EYA2: variants seen among roughly 807,000 people sequenced by gnomAD.
EYA2 encodes EYA transcriptional coactivator and phosphatase 2.
EYA2 carries 31 observed loss-of-function variants against 69.2 expected under a neutral mutation model. That is an observed-to-expected ratio of 0.45 (90% CI 0.34 to 0.60). The LOEUF (loss-of-function observed/expected upper bound fraction) is 0.60, where lower values mean the gene tolerates loss of function less well. EYA2 is among the 20% of genes least tolerant of loss of function. The pLI, the probability that EYA2 is intolerant of heterozygous loss-of-function variation, is 0.02. For synonymous variants in EYA2, 257 were observed against 279.4 expected (o/e 0.92, Z 0.80); for missense variants, 622 against 701.2 (o/e 0.89, Z 1.28).
chr20:47,014,677 TGAC>T (rs1177694110), intron 4 of EYA2, among the ~76,000 whole-genome samples: 1 of 143,656 alleles, frequency 7.0e-6, no homozygotes, highest in East Asian at 2.0e-4. Flanking sequence ...TGTGGTGTGA[TGAC>T]TATAAGCTGC....
chr20:47,148,523 T>C (rs568259337), intron 10 of EYA2, among the ~76,000 whole-genome samples: 2 of 152,276 alleles, frequency 1.3e-5, no homozygotes, highest in East Asian at 3.9e-4. Context: ...ACAATCATTT[T>C]ATAAAAGTAT....
intron 12 of EYA2, among the ~76,000 whole-genome samples, chr20:47,177,330 C>T (rs972841636): frequency 9.2e-5 from 14 of 151,522 alleles, no homozygotes; most frequent in African/African-American, 3.4e-4. Context: ...CCAGGCTGGT[C>T]TCAAACCCCT....
chr20:46,929,135 A>G (rs1985546052), intron 1 of EYA2, among the ~76,000 whole-genome samples: 1 of 143,932 alleles, frequency 6.9e-6, no homozygotes, highest in Admixed American at 7.2e-5. Flanking sequence ...GTGCTTTGCC[A>G]TCACAAATAA....
chr20:47,172,697 C>G lies in EYA2; in HGVS notation c.1038-10C>G, dbSNP rs557700703. On this transcript the variant is annotated splice_polypyrimidine_tract_variant and intron_variant, in intron 11 of 15. Coordinates refer to ENST00000327619, the MANE Select transcript of EYA2 (RefSeq NM_005244.5). ...GCACTAACACTGTCCCTCCCCTCCT[C>G]TCTCCGCAGCACATACAACTTCTCC... 8.2e-5 allele frequency: 131 copies of G among 1,602,844 alleles called. No individual in the cohort carries two copies. Among genetic ancestry groups the G allele is most frequent in the Admixed American group, 3.7e-4 (22 of 58,970 alleles).
At chr20:46,910,242 G>A (rs1021412764) in intron 1 of EYA2, among the ~76,000 whole-genome samples, 7 of 152,144 alleles carry the variant, frequency 4.6e-5, no homozygotes, top group Admixed American at 3.3e-4. Context: ...GGTGGGAGAC[G>A]AAGAGGAAGC....
intron 5 of EYA2, 172 bp from the exon 6 acceptor site, chr20:47,072,013 C>A: frequency 1.5e-6 from 1 of 662,116 alleles, no homozygotes; most frequent in Non-Finnish European, 2.7e-6. Context: ...CAAGTCTCAC[C>A]TGGGTTGCTT....
chr20:47,048,052 A>G (rs1386679610), intron 5 of EYA2, among the ~76,000 whole-genome samples: 1 of 152,236 alleles, frequency 6.6e-6, no homozygotes, highest in Non-Finnish European at 1.5e-5. Context: ...TCTCAAGGCC[A>G]TTAACATAAT....
intron 4 of EYA2, among the ~76,000 whole-genome samples, chr20:47,013,045 C>G (rs1309873450): frequency 7.9e-5 from 12 of 152,168 alleles, no homozygotes; most frequent in Non-Finnish European, 1.6e-4. Flanking sequence ...TGATCCAACC[C>G]CTTCAGCAAA....
At chr20:47,029,666 T>C (rs1168526161) in intron 5 of EYA2, among the ~76,000 whole-genome samples, 1 of 152,236 alleles carries the variant, frequency 6.6e-6, no homozygotes, top group Admixed American at 6.5e-5. Flanking sequence ...AACACATCTT[T>C]ACATTTTGCC....
chr20:47,090,229 CTTTTTTTTTT>C (rs60732138), intron 8 of EYA2, among the ~76,000 whole-genome samples: 1 of 122,072 alleles, frequency 8.2e-6, no homozygotes, highest in South Asian at 2.7e-4. Flanking sequence ...ATGCTCCAAT[CTTTTTTTTTT>C]TTTTTTTTTG....
At chr20:47,078,318 TGCGCGCGC>T (rs141520850) in intron 7 of EYA2, among the ~76,000 whole-genome samples, 18 of 130,286 alleles carry the variant, frequency 1.4e-4, no homozygotes, top group Admixed American at 5.2e-4. Flanking sequence ...CATGTGCACG[TGCGCGCGC>T]GCGCGCACAC....
intron 9 of EYA2, among the ~76,000 whole-genome samples, chr20:47,138,375 A>G (rs554918807): frequency 2.0e-5 from 3 of 152,334 alleles, no homozygotes; most frequent in African/African-American, 7.2e-5. Context: ...CTAAAGGCTC[A>G]TCATATAAAC....
intron 9 of EYA2, among the ~76,000 whole-genome samples, 154 bp downstream of exon 9, chr20:47,097,322 A>G (rs1211526694): frequency 6.6e-6 from 1 of 152,146 alleles, no homozygotes; most frequent in African/African-American, 2.4e-5. Context: ...TTCCTATGAC[A>G]TTTTCCTTTG....
chr20:47,054,714 G>A (rs2030519522), intron 5 of EYA2, among the ~76,000 whole-genome samples: 1 of 152,134 alleles, frequency 6.6e-6, no homozygotes, highest in African/African-American at 2.4e-5. Context: ...CCTCAGATGT[G>A]TGACTCCGGG....
At chr20:47,104,222 T>TTAA (rs1316739705) in intron 9 of EYA2, among the ~76,000 whole-genome samples, 1 of 152,224 alleles carries the variant, frequency 6.6e-6, no homozygotes, top group Non-Finnish European at 1.5e-5. Context: ...ATGTGCTTAT[T>TTAA]GGCCATTTGT....
At chr20:46,898,394 A>AACACACACACACACACACAC (rs3085766) in intron 1 of EYA2, among the ~76,000 whole-genome samples, 53 of 146,562 alleles carry the variant, frequency 3.6e-4, no homozygotes, top group Admixed American at 2.3e-3. Flanking sequence ...GTTGACAGAA[A>AACACACACACACACACACAC]ACACACACAC....
intron 10 of EYA2, among the ~76,000 whole-genome samples, chr20:47,167,972 G>A (rs988394968): frequency 6.6e-6 from 1 of 152,138 alleles, no homozygotes; most frequent in African/African-American, 2.4e-5. Context: ...CCAGCTCGCA[G>A]CCCTGCTTTC....
At chr20:47,109,602 C>T (rs1485552942) in intron 9 of EYA2, among the ~76,000 whole-genome samples, 1 of 152,158 alleles carries the variant, frequency 6.6e-6, no homozygotes, top group African/African-American at 2.4e-5. Context: ...ACGCTAGTCT[C>T]GAACTCCAGG....
intron 9 of EYA2, among the ~76,000 whole-genome samples, chr20:47,120,668 C>T (rs898200418): frequency 3.9e-4 from 59 of 152,276 alleles, no homozygotes; most frequent in African/African-American, 1.4e-3. Context: ...CAGTTTTTTC[C>T]TAAGGTCTCA....
Sources: allele counts gnomAD v4.1 joint callset (sites outside exome capture counted in the v4.1 genomes callset), GRCh38; gene constraint gnomAD v4.1.1; transcripts MANE v1.5; gene names NCBI Gene and HGNC (gene_info 2026-07-23, HGNC 2026-07-21).